Variants in RUNX3 observed in about 807,000 individuals in gnomAD.
RUNX3 encodes runt-related transcription factor 3.
In RUNX3, 10 loss-of-function variants were observed where a neutral mutation model predicts 27.7. That is an observed-to-expected ratio of 0.36 (90% CI 0.22 to 0.61). RUNX3 has a LOEUF of 0.61. Among genes scored for constraint, RUNX3 ranks in the 20% least tolerant of loss-of-function variants. The probability of loss-of-function intolerance (pLI) is 0.72; values close to 1 mark genes in which losing one functional copy is unlikely to be tolerated. For synonymous variants in RUNX3, 270 were observed against 269.2 expected, an observed-to-expected ratio of 1.00 and a Z score of -0.03; for missense variants, 469 against 629.5, an observed-to-expected ratio of 0.75 and a Z score of 2.73.
At chr1:24,931,646 G>A (rs2124314130), upstream of RUNX3, among the ~76,000 whole-genome samples, 1 of 152,272 alleles carries the variant, frequency 6.6e-6, no homozygotes, top group East Asian at 1.9e-4. Flanking sequence ...CTTAGGATCC[G>A]ACGGTGGCCG....
intron 3 of RUNX3, among the ~76,000 whole-genome samples, chr1:24,911,540 T>C (rs1482864160): frequency 2.6e-5 from 4 of 152,232 alleles, no homozygotes; most frequent in Admixed American, 6.5e-5. Context: ...GTGGACACTT[T>C]CCAGTCACGT....
Position 24,901,393 on chromosome 1 carries a change from G to C in RUNX3, c.*729C>G, listed in dbSNP as rs1640547070. ...AGTGCATGGAGGAGCCGGTCTGTAG[G>C]TGCTTTCCTGGGTTTAAGAACCTGA... On this transcript the variant is annotated 3_prime_UTR_variant, in exon 5 of 5. Transcript: ENST00000308873. 6.5e-6 allele frequency: 1 copy of C among 152,836 alleles called. No homozygotes were observed. The highest frequency in any genetic ancestry group is 6.5e-5 in the Admixed American group (1 of 15,280). The allele number at this position is 152,836 out of a possible 1,614,324, so 9.5% of individuals were successfully genotyped here.
intron 2 of RUNX3, among the ~76,000 whole-genome samples, chr1:24,955,774 G>A (rs1641904176): frequency 6.6e-6 from 1 of 152,160 alleles, no homozygotes; most frequent in South Asian, 2.1e-4. Flanking sequence ...GGGGAGGGTG[G>A]TTCCTGAGGC....
intron 2 of RUNX3, among the ~76,000 whole-genome samples, chr1:24,925,278 A>C: frequency 6.6e-6 from 1 of 151,396 alleles, no homozygotes; most frequent in East Asian, 1.9e-4. Context: ...AACCGCCTCC[A>C]CCTCTCCCAC....
At chr1:24,915,425 A>G (rs1048939363) in intron 3 of RUNX3, among the ~76,000 whole-genome samples, 3 of 152,210 alleles carry the variant, frequency 2.0e-5, no homozygotes, top group Non-Finnish European at 2.9e-5. Context: ...CTCCATCTCA[A>G]AAAACAAAAC....
chr1:24,959,912 G>A (rs1342543352), intron 2 of RUNX3, among the ~76,000 whole-genome samples: 3 of 152,186 alleles, frequency 2.0e-5, no homozygotes, highest in African/African-American at 4.8e-5. Flanking sequence ...TGTGGCTCCC[G>A]AGCCAGCTCA....
chr1:24,922,645 A>G (rs1230856765), intron 2 of RUNX3, among the ~76,000 whole-genome samples: 1 of 152,132 alleles, frequency 6.6e-6, no homozygotes, highest in Admixed American at 6.6e-5. Context: ...ATTTACCACA[A>G]TTTTTAAAGT....
Position 24,930,083 on chromosome 1 carries a change from TGCCCG to T in RUNX3, c.-220_-216del. 5 of 978,800 alleles carry T rather than the reference TGCCCG, an allele frequency of 5.1e-6. No homozygotes were observed. The highest frequency in any genetic ancestry group is 6.0e-6 in the Non-Finnish European group (5 of 827,498). 60.6% of individuals were successfully genotyped at this position (978,800 alleles called of 1,614,324 possible). A position where few individuals can be genotyped will look rare whatever the true frequency, so the allele number is the denominator to read the frequency against. ...GCTGGCCCGACGGCCGCCCGCAGCC[TGCCCG>T]GCTAGTCCCGCATCCTCGGCGCGCG... On this transcript the variant is annotated 5_prime_UTR_variant, in exon 1 of 5. Coordinates refer to ENST00000308873, the MANE Select transcript of RUNX3 (RefSeq NM_004350.3). This position sits in a 1 kb window ranked among gnomAD's most constrained non-coding sequence, Gnocchi z 4.1.
At chr1:24,964,606 T>A in exon 2 of RUNX3, 1 of 1,594,108 alleles carries the variant, frequency 6.3e-7, no homozygotes, top group Non-Finnish European at 8.5e-7. Flanking sequence ...TTTTCAGCCC[T>A]TCAGGGGGTT....
intron 3 of RUNX3, among the ~76,000 whole-genome samples, chr1:24,909,951 C>T (rs184151449): frequency 1.2e-3 from 181 of 152,294 alleles, no homozygotes; most frequent in African/African-American, 4.0e-3. Context: ...GGAGGCCACA[C>T]GCCGAACAAG....
chr1:24,910,394 G>C (rs901401582), intron 3 of RUNX3, among the ~76,000 whole-genome samples: 1 of 152,106 alleles, frequency 6.6e-6, no homozygotes, highest in Admixed American at 6.5e-5. Context: ...TTGGCAGAGG[G>C]AGAAGAGGCA....
intron 2 of RUNX3, among the ~76,000 whole-genome samples, chr1:24,952,733 C>A (rs535238224): frequency 2.0e-4 from 30 of 152,314 alleles, no homozygotes; most frequent in African/African-American, 6.0e-4. Flanking sequence ...CTGGAGAGGT[C>A]ACTAGCATCA....
chr1:24,902,764 G>C lies in RUNX3; in HGVS notation c.704-98C>G, dbSNP rs929694305. ...GGGCTCTGGTTCCCAAGGCCCATCT[G>C]GGGGACCCCTAGTTCTAGACCTGGC... is the stretch of plus-strand genomic sequence containing the variant. On this transcript the variant is annotated intron_variant, in intron 4 of 4. Transcript: ENST00000308873. This position sits in a 1 kb window ranked among gnomAD's most constrained non-coding sequence, Gnocchi z 9.2. 1.8e-6 allele frequency: 2 copies of C among 1,112,464 alleles called. No individual in the cohort carries two copies. Among genetic ancestry groups the C allele is most frequent in the Admixed American group, 2.7e-5 (1 of 37,546 alleles). The allele number at this position is 1,112,464 out of a possible 1,614,324, so 68.9% of individuals were successfully genotyped here. A position where few individuals can be genotyped will look rare whatever the true frequency, so the allele number is the denominator to read the frequency against.
At chr1:24,926,027 A>G (rs1394351048) in intron 2 of RUNX3, among the ~76,000 whole-genome samples, 6 of 152,154 alleles carry the variant, frequency 3.9e-5, no homozygotes. Flanking sequence ...CTCGCTTCCC[A>G]GGAGAGAGAG....
upstream of RUNX3, among the ~76,000 whole-genome samples, chr1:24,931,333 G>A (rs923942291): frequency 6.6e-5 from 10 of 152,186 alleles, no homozygotes; most frequent in African/African-American, 1.9e-4. Context: ...GCCCGGCTCC[G>A]GGTCCCCGCT....
intron 2 of RUNX3, among the ~76,000 whole-genome samples, chr1:24,938,844 G>C (rs1442597310): frequency 6.6e-6 from 1 of 152,128 alleles, no homozygotes; most frequent in African/African-American, 2.4e-5. Flanking sequence ...GACCTCACCA[G>C]ATGCGGAACC....
At chr1:24,945,012 G>C (rs1020852132) in intron 2 of RUNX3, among the ~76,000 whole-genome samples, 1 of 152,198 alleles carries the variant, frequency 6.6e-6, no homozygotes, top group African/African-American at 2.4e-5. Flanking sequence ...ACATTTATTA[G>C]TGCCTGATAC....
chr1:24,953,140 G>T (rs1274768872), intron 2 of RUNX3, among the ~76,000 whole-genome samples: 2 of 152,058 alleles, frequency 1.3e-5, no homozygotes, highest in Non-Finnish European at 2.9e-5. Context: ...GCTGAGGCGG[G>T]CGGATCACGA....
chr1:24,917,911 T>C (rs1640918928), intron 3 of RUNX3, among the ~76,000 whole-genome samples: 1 of 152,190 alleles, frequency 6.6e-6, no homozygotes, highest in African/African-American at 2.4e-5. Flanking sequence ...AAAGAAGACA[T>C]GACTTGCCTA....
Sources: allele counts gnomAD v4.1 joint callset (sites outside exome capture counted in the v4.1 genomes callset), GRCh38; gene constraint gnomAD v4.1.1; non-coding constraint Gnocchi (gnomAD v3.1); transcripts MANE v1.5; gene names NCBI Gene and HGNC (gene_info 2026-07-23, HGNC 2026-07-21).